Variants in DAP3 observed in about 807,000 individuals in gnomAD.
The protein encoded by DAP3 is death associated protein 3.
In DAP3, 28 loss-of-function variants were observed where a neutral mutation model predicts 51.9. The observed-to-expected ratio is 0.54, with a 90% confidence interval of 0.40 to 0.74. The LOEUF is 0.74. DAP3 is among the 30% of genes least tolerant of loss of function. The pLI, the probability that DAP3 is intolerant of heterozygous loss-of-function variation, is 0.00. For synonymous variants in DAP3, 170 were observed against 170.3 expected, an observed-to-expected ratio of 1.00 and a Z score of 0.01; for missense variants, 458 against 483.5, an observed-to-expected ratio of 0.95 and a Z score of 0.49.
At chr1:155,698,426 C>G (rs1282682866) in intron 1 of DAP3, among the ~76,000 whole-genome samples, 8 of 152,198 alleles carry the variant, frequency 5.3e-5, no homozygotes, top group Non-Finnish European at 1.2e-4. Flanking sequence ...GCCGGTCCCT[C>G]TGTTTGGGGT....
intron 11 of DAP3, 96 bp downstream of exon 11, chr1:155,732,129 T>A: frequency 8.7e-7 from 1 of 1,145,830 alleles, no homozygotes; most frequent in Non-Finnish European, 1.2e-6. Context: ...AATTTCAGAC[T>A]TAGAGAAAAA....
intron 1 of DAP3, among the ~76,000 whole-genome samples, chr1:155,705,254 C>T (rs1413150567): frequency 6.6e-6 from 1 of 151,676 alleles, no homozygotes; most frequent in African/African-American, 2.4e-5. Context: ...CCACTGTATT[C>T]CAGCTTGGAT....
At chr1:155,724,364 G>A (rs530620932) in intron 4 of DAP3, among the ~76,000 whole-genome samples, 42 of 150,502 alleles carry the variant, frequency 2.8e-4, no homozygotes, top group Non-Finnish European at 5.3e-4. Context: ...GGCCAGGTGC[G>A]GTGGCTCACG....
intron 4 of DAP3, among the ~76,000 whole-genome samples, chr1:155,724,555 C>A (rs1339174159): frequency 6.6e-6 from 1 of 151,506 alleles, no homozygotes; most frequent in Non-Finnish European, 1.5e-5. Context: ...ATTGCTTGAA[C>A]CCCGGAGGCG....
intron 1 of DAP3, among the ~76,000 whole-genome samples, chr1:155,703,741 G>A (rs911521647): frequency 2.0e-5 from 3 of 152,174 alleles, no homozygotes; most frequent in Admixed American, 2.0e-4. Flanking sequence ...GTTTCACCGT[G>A]TTAGCCAGGA....
chr1:155,694,353 A>G lies in DAP3; in HGVS notation c.-8+5179A>G. Among the ~76,000 whole-genome samples the G allele has an allele frequency of 1.4e-5, 2 of 141,686 alleles. 1 individual carries two copies. The highest frequency in any genetic ancestry group is 6.4e-5 in the African/African-American group (2 of 31,154). The allele number at this position is 141,686 out of a possible 152,430, so 93.0% of individuals were successfully genotyped here. Reference sequence around the variant, plus strand: ...TAAGCCTCAACCGGGGGTTCCAACCATGTGACAGGCCTAATTAAAGGTGGA... The same window carrying G: ...TAAGCCTCAACCGGGGGTTCCAACCGTGTGACAGGCCTAATTAAAGGTGGA... On this transcript the variant is annotated intron_variant, in intron 1 of 12. Transcript: ENST00000368336.
intron 6 of DAP3, chr1:155,726,784 CAAAA>C (rs530179771): frequency 2.6e-4 from 24 of 91,424 alleles, no homozygotes; most frequent in East Asian, 4.1e-4. Flanking sequence ...GACCCTGTCT[CAAAA>C]AAAAAAAAAA....
At chr1:155,715,675 C>CTTT (rs1657249943) in intron 2 of DAP3, among the ~76,000 whole-genome samples, 1 of 152,182 alleles carries the variant, frequency 6.6e-6, no homozygotes, top group Admixed American at 6.5e-5. Flanking sequence ...ATTCCCTAAT[C>CTTT]TTTTCCTCAT....
chr1:155,731,279 A>G (rs1030491683), intron 9 of DAP3, 77 bp from the exon 10 acceptor site: 1 of 1,459,450 alleles, frequency 6.9e-7, no homozygotes, highest in Non-Finnish European at 9.5e-7. Flanking sequence ...AAAAAAAAAA[A>G]TTGTTGTCAA....
intron 1 of DAP3, among the ~76,000 whole-genome samples, chr1:155,702,809 A>G (rs957983364): frequency 2.0e-5 from 3 of 152,062 alleles, no homozygotes; most frequent in Non-Finnish European, 4.4e-5. Context: ...TCTTTACTAA[A>G]AATACAAAAA....
intron 3 of DAP3, among the ~76,000 whole-genome samples, chr1:155,720,855 G>C (rs929621930): frequency 6.6e-6 from 1 of 151,934 alleles, no homozygotes; most frequent in African/African-American, 2.4e-5. Context: ...TGGTCAACAT[G>C]GTGAAATCCC....
At chr1:155,688,121 G>A (rs778699844), upstream of DAP3, 3 of 1,611,418 alleles carry the variant, frequency 1.9e-6, no homozygotes, top group Middle Eastern at 1.7e-4. Context: ...GGAAGAGGGG[G>A]TGGCCGCCAG....
Position 155,721,504 on chromosome 1 carries a change from T to G in DAP3, c.169-13T>G. Reference sequence around the variant, plus strand: ...TTGTCACCATTATACCTGTTTGCACTCTTATTTCCTAGGCCAAGCATGGGG... The same window carrying G: ...TTGTCACCATTATACCTGTTTGCACGCTTATTTCCTAGGCCAAGCATGGGG... On this transcript the variant is annotated splice_polypyrimidine_tract_variant and intron_variant, in intron 3 of 12. Transcript: ENST00000368336. 6.2e-7 allele frequency: 1 copy of G among 1,613,608 alleles called. No individual in the cohort carries two copies. The highest frequency in any genetic ancestry group is 1.7e-5 in the Admixed American group (1 of 59,922).
chr1:155,688,997 G>A (rs1360128497), upstream of DAP3: 2 of 1,601,248 alleles, frequency 1.2e-6, no homozygotes, highest in Middle Eastern at 1.7e-4. Context: ...CGAGGGGATC[G>A]AGGGCGGCCT....
At chr1:155,688,812 G>A, upstream of DAP3, 1 of 1,562,750 alleles carries the variant, frequency 6.4e-7, no homozygotes, top group Non-Finnish European at 8.7e-7. Flanking sequence ...CCCCACCGCG[G>A]GACTGTTCCA....
At chr1:155,688,695 C>A, upstream of DAP3, 1 of 1,525,750 alleles carries the variant, frequency 6.6e-7, no homozygotes, top group South Asian at 1.2e-5. Context: ...TCCACCTCCT[C>A]TTCTCTCCTC....
At chr1:155,688,735 ACCGCCGCCAAAGCAG>A, upstream of DAP3, 2 of 1,515,096 alleles carry the variant, frequency 1.3e-6, no homozygotes, top group African/African-American at 1.4e-5. Flanking sequence ...ACGGCCACCA[ACCGCCGCCAAAGCAG>A]CCGCCGCCAG....
At chr1:155,736,504 A>T (rs1364162265) in intron 11 of DAP3, 1 of 219,750 alleles carries the variant, frequency 4.6e-6, no homozygotes, top group Non-Finnish European at 9.1e-6. Flanking sequence ...GCTCACTGCA[A>T]TCTCAACCTC....
intron 1 of DAP3, among the ~76,000 whole-genome samples, chr1:155,693,228 A>T (rs1654081201): frequency 1.4e-5 from 2 of 141,818 alleles, no homozygotes. Flanking sequence ...TAGTTTGAGA[A>T]TTAGGTCGAA....
Sources: gnomAD v4.1 joint callset for allele counts (sites outside exome capture counted in the v4.1 genomes callset) on GRCh38, gnomAD v4.1.1 for gene constraint, MANE v1.5 for transcripts, NCBI Gene and HGNC (gene_info 2026-07-23, HGNC 2026-07-21) for gene names.